CLSTN2: variants seen among roughly 807,000 people sequenced by gnomAD.
CLSTN2 encodes calsyntenin-2.
CLSTN2 carries 48 observed loss-of-function variants against 101.2 expected under a neutral mutation model. The observed-to-expected ratio is 0.47, with a 90% CI of 0.38 to 0.60. The LOEUF is 0.60. Among genes scored for constraint, CLSTN2 ranks in the 20% least tolerant of loss-of-function variants. The probability of loss-of-function intolerance (pLI) is 0.00; values close to 1 mark genes in which losing one functional copy is unlikely to be tolerated. For missense variants in CLSTN2, 1,160 were observed against 1,238.2 expected (o/e 0.94, Z 0.95); for synonymous variants, 481 against 463.6 (o/e 1.04, Z -0.48).
intron 2 of CLSTN2, among the ~76,000 whole-genome samples, chr3:140,204,630 T>G (rs1298813151): frequency 1.4e-5 from 2 of 146,124 alleles, no homozygotes; most frequent in Non-Finnish European, 2.9e-5. Flanking sequence ...GGAGTGGCGG[T>G]AAGCTCTGGA....
At chr3:140,038,407 A>G (rs1224430365) in intron 1 of CLSTN2, among the ~76,000 whole-genome samples, 1 of 151,398 alleles carries the variant, frequency 6.6e-6, no homozygotes, top group Non-Finnish European at 1.5e-5. Flanking sequence ...TTTTCTTGTA[A>G]ATTTGTTTAA....
rs140274519 is a variant in CLSTN2, at chr3:140,391,599, C to T, written c.233-12030C>T. Among the ~76,000 whole-genome samples the T allele has an allele frequency of 6.0e-3, 909 of 151,686 alleles. 10 individuals are homozygous for T. The highest frequency in any genetic ancestry group is 0.017 in the African/African-American group (702 of 41,288). On this transcript the variant is annotated intron_variant, in intron 2 of 16. Transcript: ENST00000458420. The stretch of plus-strand genomic sequence containing the variant: ...TATTAACATGATATGATTTGATATG[C>T]GATATATAATTTATAGTGATTTTAT...
chr3:140,257,562 GTGTGTGTGTGTGT>G (rs2086614492), intron 2 of CLSTN2, among the ~76,000 whole-genome samples: 9 of 61,734 alleles, frequency 1.5e-4, no homozygotes, highest in African/African-American at 3.0e-4. Context: ...CTTTCTAGGG[GTGTGTGTGTGTGT>G]GTGTGTGTGT....
At chr3:140,071,331 T>C (rs1169001965) in intron 1 of CLSTN2, among the ~76,000 whole-genome samples, 1 of 151,196 alleles carries the variant, frequency 6.6e-6, no homozygotes. Flanking sequence ...AAAAGGAGGG[T>C]TGATGTATTT....
intron 2 of CLSTN2, among the ~76,000 whole-genome samples, chr3:140,288,259 G>A (rs1011859797): frequency 6.6e-6 from 1 of 152,062 alleles, no homozygotes; most frequent in African/African-American, 2.4e-5. Flanking sequence ...AAAGAAAGTA[G>A]GGTGGGAAGA....
At chr3:140,350,634 C>A (rs2087595580) in intron 2 of CLSTN2, among the ~76,000 whole-genome samples, 1 of 152,200 alleles carries the variant, frequency 6.6e-6, no homozygotes, top group Non-Finnish European at 1.5e-5. Context: ...ACTTCTTGAA[C>A]TCTCCCTTCC....
intron 4 of CLSTN2, among the ~76,000 whole-genome samples, chr3:140,406,540 T>C (rs906597942): frequency 6.6e-6 from 1 of 152,216 alleles, no homozygotes; most frequent in African/African-American, 2.4e-5. Context: ...AAGGTAATTT[T>C]AATTAGTAGA....
chr3:139,955,695 G>A (rs1327309409), intron 1 of CLSTN2, among the ~76,000 whole-genome samples: 2 of 22,284 alleles, frequency 9.0e-5, no homozygotes, highest in Non-Finnish European at 3.0e-4. Context: ...CATCTCAGAT[G>A]TGCCTCTCAC....
intron 12 of CLSTN2, among the ~76,000 whole-genome samples, chr3:140,560,933 C>T (rs1201065742): frequency 6.6e-6 from 1 of 152,162 alleles, no homozygotes; most frequent in Middle Eastern, 3.4e-3. Flanking sequence ...GCTGATTATA[C>T]ACGAAACCAT....
chr3:140,534,878 C>T (rs1266949194), intron 9 of CLSTN2, among the ~76,000 whole-genome samples: 1 of 152,192 alleles, frequency 6.6e-6, no homozygotes, highest in Non-Finnish European at 1.5e-5. Context: ...CTCTCTTTCC[C>T]ACGTAGAAAA....
At chr3:140,203,510 A>G (rs1042338917) in intron 2 of CLSTN2, among the ~76,000 whole-genome samples, 1 of 138,908 alleles carries the variant, frequency 7.2e-6, no homozygotes, top group Admixed American at 7.8e-5. Flanking sequence ...AGATGGGAGA[A>G]ATATGCACAT....
chr3:140,346,295 C>G (rs1475726542), intron 2 of CLSTN2, among the ~76,000 whole-genome samples: 1 of 152,168 alleles, frequency 6.6e-6, no homozygotes, highest in Non-Finnish European at 1.5e-5. Flanking sequence ...CATATAATAG[C>G]CCAAACAAGT....
At chr3:140,045,360 C>T (rs975115998) in intron 1 of CLSTN2, among the ~76,000 whole-genome samples, 2 of 152,106 alleles carry the variant, frequency 1.3e-5, no homozygotes, top group African/African-American at 2.4e-5. Context: ...TCTGTGGGAT[C>T]GGTGGTGATA....
At chr3:140,110,524 C>G (rs1417079804) in intron 1 of CLSTN2, among the ~76,000 whole-genome samples, 1 of 152,196 alleles carries the variant, frequency 6.6e-6, no homozygotes, top group Non-Finnish European at 1.5e-5. Flanking sequence ...GCTATTCCTT[C>G]AAAAGCTCTT....
At chr3:140,230,181 C>T (rs1270452060) in intron 2 of CLSTN2, among the ~76,000 whole-genome samples, 1 of 151,934 alleles carries the variant, frequency 6.6e-6, no homozygotes, top group Admixed American at 6.6e-5. Flanking sequence ...GGGAAAGAGG[C>T]CGTTTTGGCA....
At chr3:140,415,503 AAAAAAAAC>A (rs1294680763) in intron 4 of CLSTN2, among the ~76,000 whole-genome samples, 3 of 150,554 alleles carry the variant, frequency 2.0e-5, no homozygotes, top group African/African-American at 7.4e-5. Context: ...AAAAAAAAAA[AAAAAAAAC>A]AAACTGATTT....
chr3:140,547,876 T>C (rs1935628956), intron 10 of CLSTN2, among the ~76,000 whole-genome samples: 1 of 152,200 alleles, frequency 6.6e-6, no homozygotes, highest in Admixed American at 6.5e-5. Context: ...CTGTGCCTCC[T>C]GGAGCACAGG....
Position 140,546,670 on chromosome 3 carries a change from C to T in CLSTN2, c.1663C>T (p.Gln555Ter). ...CATTAATTCCTTGGAAAGCCTTGGC[C>T]AAGGAATAAAGGTAAGGCAGGAGCT... ...LDINSLESLG[Q>*]GIKYHFNPSQ... Residue 555 changes from glutamine to a stop codon, truncating the protein, a stop_gained, in exon 10 of 17, where the codon CAA (glutamine) becomes TAA (stop). Transcript: ENST00000458420. LOFTEE classifies it high-confidence loss of function. The T allele has an allele frequency of 6.2e-7, 1 of 1,612,376 alleles. No homozygotes were observed. The highest frequency in any genetic ancestry group is 8.5e-7 in the Non-Finnish European group (1 of 1,179,556).
At chr3:140,178,565 A>G (rs1426759600) in intron 2 of CLSTN2, among the ~76,000 whole-genome samples, 1 of 152,190 alleles carries the variant, frequency 6.6e-6, no homozygotes, top group Non-Finnish European at 1.5e-5. Flanking sequence ...ATGCATCAAG[A>G]TATAATCCTC....
Sources: gnomAD v4.1 joint callset for allele counts (sites outside exome capture counted in the v4.1 genomes callset) on GRCh38, gnomAD v4.1.1 for gene constraint, MANE v1.5 for transcripts, NCBI Gene and HGNC (gene_info 2026-07-23, HGNC 2026-07-21) for gene names.